STXBP3: variants seen among roughly 807,000 people sequenced by gnomAD.
The protein encoded by STXBP3 is syntaxin-binding protein 3.
STXBP3 carries 41 observed loss-of-function variants against 85.7 expected under a neutral mutation model. That is an observed-to-expected ratio of 0.48 (90% CI 0.37 to 0.62). STXBP3 has a LOEUF of 0.62. STXBP3 is among the 20% of genes least tolerant of loss of function. The pLI is 0.00. For missense variants in STXBP3, 563 were observed against 703.1 expected, an observed-to-expected ratio of 0.80 and a Z score of 2.25; for synonymous variants, 229 against 231.7, an observed-to-expected ratio of 0.99 and a Z score of 0.10.
Position 108,756,760 on chromosome 1 carries a change from A to G in STXBP3, c.252A>G (p.Thr84=), listed in dbSNP as rs200215514. ...AAGCTCTTTATTTCATCACTCCGACATCAAAGGTGAGTATTTTGAGACCTT... is the reference window on the plus strand; with the variant it reads ...AAGCTCTTTATTTCATCACTCCGACGTCAAAGGTGAGTATTTTGAGACCTT... The part of the protein sequence containing the change: ...QMKALYFITP[T]SKSVDCFLHD... The change falls in exon 4 of 19, where the codon ACA becomes ACG. Residue 84 remains threonine, a synonymous_variant. Transcript: ENST00000370008. 7 of 1,589,076 alleles carry G rather than the reference A, an allele frequency of 4.4e-6. No homozygotes were observed. The highest frequency in any genetic ancestry group is 5.1e-6 in the Non-Finnish European group (6 of 1,166,374).
intron 1 of STXBP3, among the ~76,000 whole-genome samples, chr1:108,751,356 G>A (rs1661903472): frequency 6.6e-6 from 1 of 152,036 alleles, no homozygotes; most frequent in Admixed American, 6.6e-5. Context: ...CACAGTAACT[G>A]TTATTATTTA....
intron 7 of STXBP3, among the ~76,000 whole-genome samples, chr1:108,774,640 CTTTTTTTT>C (rs11290690): frequency 2.2e-5 from 2 of 92,608 alleles, no homozygotes; most frequent in East Asian, 3.4e-4. Context: ...TCTTTCTTTC[CTTTTTTTT>C]TTTTTTTTTT....
Position 108,798,138 on chromosome 1 carries a change from G to A in STXBP3, c.1357-7G>A, listed in dbSNP as rs370745073. The A allele has an allele frequency of 1.9e-4, 303 of 1,594,272 alleles. No homozygotes were observed. The highest frequency in any genetic ancestry group is 2.4e-4 in the Non-Finnish European group (277 of 1,173,230). ...GGTTTTTAATTTTTTTCCTCTAATT[G>A]TATTAGTCTCAACAAGGCAAACCGT... On this transcript the variant is annotated splice_polypyrimidine_tract_variant and splice_region_variant and intron_variant, in intron 15 of 18. Coordinates refer to ENST00000370008, the MANE Select transcript of STXBP3 (RefSeq NM_007269.4).
Position 108,796,321 on chromosome 1 carries a change from G to A in STXBP3, c.1198G>A (p.Asp400Asn), listed in dbSNP as rs1259218823. ...TCCAGTTCTACTCAACAAAAATCAT[G>A]ATAATTGTGATAAAATAAGAGCAAT... ...LLPVLLNKNH[D>N]NCDKIRAILL... The change falls in exon 14 of 19, where the codon GAT becomes AAT. Residue 400 changes from aspartate to asparagine, a missense_variant. By Grantham distance (23) the Asp-to-Asn change is conservative. Transcript: ENST00000370008. 3.1e-6 allele frequency: 5 copies of A among 1,599,496 alleles called. No homozygotes were observed. The highest frequency in any genetic ancestry group is 4.3e-6 in the Non-Finnish European group (5 of 1,166,882).
At position 108,808,944 on chromosome 1, in the gene STXBP3, C is replaced by A; in HGVS notation, c.*67C>A. The A allele has an allele frequency of 3.7e-6, 4 of 1,078,764 alleles. No individual in the cohort carries two copies. The highest frequency in any genetic ancestry group is 5.5e-6 in the Non-Finnish European group (4 of 730,906). The allele number at this position is 1,078,764 out of a possible 1,614,324, so 66.8% of individuals were successfully genotyped here. A position where few individuals can be genotyped will look rare whatever the true frequency, so the allele number is the denominator to read the frequency against. ...GAACTAAAATAGAAAGAAAATGTTG[C>A]TGTCATGTAATTTAAACAATGTAAA... On this transcript the variant is annotated 3_prime_UTR_variant, in exon 19 of 19. Transcript: ENST00000370008.
At chr1:108,796,806 T>C in intron 15 of STXBP3, 80 bp downstream of exon 15, 1 of 948,422 alleles carries the variant, frequency 1.1e-6, no homozygotes, top group Non-Finnish European at 1.5e-6. Context: ...TTTTTTTTTA[T>C]GTGGACAGTC....
chr1:108,768,962 G>A (rs1662324593), intron 6 of STXBP3, among the ~76,000 whole-genome samples: 1 of 152,044 alleles, frequency 6.6e-6, no homozygotes, highest in Non-Finnish European at 1.5e-5. Context: ...GAATAACATA[G>A]GGGTTAGGGG....
intron 17 of STXBP3, among the ~76,000 whole-genome samples, chr1:108,804,097 T>A (rs1468584668): frequency 6.6e-6 from 1 of 152,228 alleles, no homozygotes; most frequent in African/African-American, 2.4e-5. Flanking sequence ...TTCCTGAATC[T>A]GAGGATTTAC....
chr1:108,762,338 C>T (rs371161358), intron 6 of STXBP3, among the ~76,000 whole-genome samples: 24 of 152,110 alleles, frequency 1.6e-4, no homozygotes, highest in African/African-American at 5.1e-4. Flanking sequence ...TTACACAACA[C>T]GGAAATTTAT....
chr1:108,796,738 T>TA lies in STXBP3; in HGVS notation c.1356+13dup. The TA allele has an allele frequency of 6.2e-7, 1 of 1,606,604 alleles. No individual in the cohort carries two copies. Among genetic ancestry groups the TA allele is most frequent in the Non-Finnish European group, 8.5e-7 (1 of 1,174,262 alleles). On this transcript the variant is annotated intron_variant, in intron 15 of 18. Transcript: ENST00000370008. ...CCATTGTTCCCCAAGTAAGAAGTCT[T>TA]ATGTTGTGTATATACTTTATATGTA...
intron 1 of STXBP3, among the ~76,000 whole-genome samples, chr1:108,749,251 A>G (rs1480794111): frequency 1.3e-5 from 2 of 152,254 alleles, no homozygotes; most frequent in Admixed American, 6.5e-5. Flanking sequence ...GACTAAGAAA[A>G]TGACAATAAT....
intron 11 of STXBP3, among the ~76,000 whole-genome samples, 198 bp downstream of exon 11, chr1:108,782,904 A>ATTTTTTTTTTTTTTTTTTTTTTT: frequency 6.6e-6 from 1 of 152,028 alleles, no homozygotes; most frequent in East Asian, 1.9e-4. Flanking sequence ...AAATTTTTTT[A>ATTTTTTTTTTTTTTTTTTTTTTT]TTTTATTTTA....
Position 108,782,529 on chromosome 1 carries a change from C to G in STXBP3, c.905+12C>G. 2 of 1,610,592 alleles carry G rather than the reference C, an allele frequency of 1.2e-6. No individual in the cohort carries two copies. Among genetic ancestry groups the G allele is most frequent in the Non-Finnish European group, 1.7e-6 (2 of 1,178,536 alleles). ...GCGGTTGTGTTAGAGTATGTGAACTCATTTTAATTTTTGTTCCATAATTTT... is the reference window on the plus strand; with the variant it reads ...GCGGTTGTGTTAGAGTATGTGAACTGATTTTAATTTTTGTTCCATAATTTT... On this transcript the variant is annotated intron_variant, in intron 10 of 18. Transcript: ENST00000370008.
intron 1 of STXBP3, 59 bp downstream of exon 1, chr1:108,746,845 C>A: frequency 6.5e-7 from 1 of 1,529,556 alleles, no homozygotes; most frequent in Non-Finnish European, 8.9e-7. Flanking sequence ...CGTGCCGGGC[C>A]TCGTTTTGCA....
chr1:108,800,230 A>G lies in STXBP3; in HGVS notation c.1460A>G (p.Asp487Gly). The G allele has an allele frequency of 1.9e-6, 3 of 1,608,654 alleles. No individual in the cohort carries two copies. The highest frequency in any genetic ancestry group is 2.6e-6 in the Non-Finnish European group (3 of 1,175,140). The part of the protein sequence containing the change: ...FIKDIMEDAI[D>G]NRLDSKEWPY... Reference sequence around the variant, plus strand: ...TCTTTCCTTCCTTAGGATGCTATTGATAATAGATTAGATTCAAAAGAATGG... The same window carrying G: ...TCTTTCCTTCCTTAGGATGCTATTGGTAATAGATTAGATTCAAAAGAATGG... The change falls in exon 17 of 19, where the codon GAT becomes GGT. Residue 487 changes from aspartate (D) to glycine (G), a missense_variant. Physicochemically the swap from Asp to Gly is moderately conservative, Grantham distance 94. Around this residue, in one of 3 missense-constraint regions of STXBP3, gnomAD observed 494 missense variants for 592.8 expected, o/e 0.83. Coordinates refer to ENST00000370008, the MANE Select transcript of STXBP3 (RefSeq NM_007269.4).
chr1:108,799,088 C>T (rs1056249835), intron 16 of STXBP3, among the ~76,000 whole-genome samples: 1 of 152,180 alleles, frequency 6.6e-6, no homozygotes, highest in Non-Finnish European at 1.5e-5. Flanking sequence ...ATTCTTCGGT[C>T]ATGATCATAT....
intron 7 of STXBP3, among the ~76,000 whole-genome samples, chr1:108,774,155 A>G (rs1662533470): frequency 6.6e-6 from 1 of 152,104 alleles, no homozygotes; most frequent in Admixed American, 6.6e-5. Flanking sequence ...ATTTTCTGAG[A>G]GTCATCCATG....
chr1:108,767,994 A>G (rs1487518582), intron 6 of STXBP3, among the ~76,000 whole-genome samples: 5 of 152,176 alleles, frequency 3.3e-5, no homozygotes, highest in African/African-American at 9.6e-5. Flanking sequence ...ACATAAGTGC[A>G]TGGGAAACTG....
chr1:108,755,282 C>G (rs772047011), intron 3 of STXBP3, among the ~76,000 whole-genome samples: 7 of 151,896 alleles, frequency 4.6e-5, no homozygotes, highest in Non-Finnish European at 1.0e-4. Flanking sequence ...TTTGTCTCTA[C>G]TAAAATCCAA....
Sources: gnomAD v4.1 joint callset for allele counts (sites outside exome capture counted in the v4.1 genomes callset) on GRCh38, gnomAD v4.1.1 for gene constraint, gnomAD v4.1.1 regional missense constraint, MANE v1.5 for transcripts, NCBI Gene and HGNC (gene_info 2026-07-23, HGNC 2026-07-21) for gene names.